Variants in WDPCP observed in about 807,000 individuals in gnomAD.
WDPCP encodes the protein WD repeat containing planar cell polarity effector, also known as WD repeat-containing and planar cell polarity effector protein fritz homolog.
Under a neutral mutation model 93.1 loss-of-function variants are expected in WDPCP, and 71 were observed. The observed-to-expected ratio is 0.76, with a 90% CI of 0.63 to 0.93. WDPCP has a LOEUF of 0.93. Among genes scored for constraint, WDPCP ranks in the 40% least tolerant of loss-of-function variants. The pLI is 0.00. For synonymous variants in WDPCP, 315 were observed against 315.0 expected, an observed-to-expected ratio of 1.00 and a Z score of 0.00; for missense variants, 844 against 887.4, an observed-to-expected ratio of 0.95 and a Z score of 0.62.
At position 63,588,222 on chromosome 2, in the gene WDPCP, CGA is replaced by C; in HGVS notation, c.48_49del (p.Ser16ArgfsTer11). ...CTGTCTCGGGAGTGGGGAAGAAGCG[CGA>C]CTCCCGGCCGCTTTGGAGTAGGCGT... On this transcript the variant is annotated frameshift_variant, in exon 1 of 18. Transcript: ENST00000272321. LOFTEE classifies it high-confidence loss of function. 6.4e-7 allele frequency: 1 copy of C among 1,574,476 alleles called. No individual in the cohort carries two copies. Among genetic ancestry groups the C allele is most frequent in the Non-Finnish European group, 8.6e-7 (1 of 1,157,592 alleles).
intron 14 of WDPCP, among the ~76,000 whole-genome samples, chr2:63,238,037 A>G (rs1241823487): frequency 6.6e-6 from 1 of 151,860 alleles, no homozygotes; most frequent in East Asian, 1.9e-4. Flanking sequence ...CTACAGCTTC[A>G]TGAGTTAATT....
chr2:63,132,989 C>T (rs1349260519), intron 17 of WDPCP, among the ~76,000 whole-genome samples: 1 of 152,214 alleles, frequency 6.6e-6, no homozygotes, highest in Non-Finnish European at 1.5e-5. Context: ...ACAGCTACTT[C>T]TCCCATTCTC....
intron 1 of WDPCP, among the ~76,000 whole-genome samples, chr2:63,532,520 A>T (rs797004504): frequency 3.1e-4 from 47 of 152,262 alleles, no homozygotes; most frequent in African/African-American, 9.9e-4. Context: ...CTCAGCAGAA[A>T]CTCTACAAGC....
chr2:63,798,294 G>A (rs1293207401), intron 2 of WDPCP, among the ~76,000 whole-genome samples: 1 of 152,172 alleles, frequency 6.6e-6, no homozygotes, highest in Non-Finnish European at 1.5e-5. Context: ...CACTGTAACT[G>A]TGGTGTGTAA....
chr2:63,324,308 T>C (rs532883368), intron 12 of WDPCP, among the ~76,000 whole-genome samples: 1 of 152,282 alleles, frequency 6.6e-6, no homozygotes, highest in East Asian at 1.9e-4. Flanking sequence ...AGCCTCCCTA[T>C]GGCTCCCCCT....
intron 14 of WDPCP, among the ~76,000 whole-genome samples, chr2:63,251,976 A>G (rs559306059): frequency 6.6e-6 from 1 of 152,196 alleles, no homozygotes; most frequent in African/African-American, 2.4e-5. Flanking sequence ...TGGCAAAGAC[A>G]CAATGAAAAA....
chr2:63,322,066 A>G (rs1687143729), intron 12 of WDPCP, among the ~76,000 whole-genome samples: 2 of 152,290 alleles, frequency 1.3e-5, no homozygotes, highest in South Asian at 4.2e-4. Context: ...TTTTCTGTCT[A>G]GCTAAAGAAT....
At chr2:63,242,155 G>T (rs1461741595) in intron 14 of WDPCP, among the ~76,000 whole-genome samples, 1 of 152,022 alleles carries the variant, frequency 6.6e-6, no homozygotes, top group Non-Finnish European at 1.5e-5. Context: ...ATTCTCTAAT[G>T]TTACCCATTT....
intron 1 of WDPCP, among the ~76,000 whole-genome samples, chr2:63,817,148 C>T (rs1355601803): frequency 6.7e-6 from 1 of 150,366 alleles, no homozygotes; most frequent in Non-Finnish European, 1.5e-5. Context: ...CTCGCTCTGT[C>T]ACCCAGGCTG....
intron 3 of WDPCP, among the ~76,000 whole-genome samples, chr2:63,633,850 T>A (rs1709890429): frequency 6.6e-6 from 1 of 152,156 alleles, no homozygotes; most frequent in Non-Finnish European, 1.5e-5. Context: ...TCACTTGTGT[T>A]CAGGAGTTCC....
chr2:63,710,908 A>G (rs527689505), intron 2 of WDPCP, among the ~76,000 whole-genome samples: 53 of 152,222 alleles, frequency 3.5e-4, no homozygotes, highest in Non-Finnish European at 6.6e-4. Flanking sequence ...TTGAGGTATG[A>G]AAAGGCAGGC....
chr2:63,572,432 G>A (rs1483059443), intron 1 of WDPCP, among the ~76,000 whole-genome samples: 1 of 151,972 alleles, frequency 6.6e-6, no homozygotes, highest in Non-Finnish European at 1.5e-5. Flanking sequence ...GCGGGGCATG[G>A]TGGCTCATGC....
intron 2 of WDPCP, chr2:63,717,078 T>C (rs1356538123): frequency 3.6e-6 from 1 of 280,874 alleles, no homozygotes; most frequent in African/African-American, 2.3e-5. Context: ...CTGAGGCAGC[T>C]CTCTTCCCTC....
chr2:63,767,107 TC>T (rs1670153931), intron 2 of WDPCP, among the ~76,000 whole-genome samples: 1 of 152,202 alleles, frequency 6.6e-6, no homozygotes, highest in South Asian at 2.1e-4. Context: ...ATGTACACTT[TC>T]TGTCAAGTCT....
At chr2:63,370,157 T>C (rs1379845009) in intron 12 of WDPCP, among the ~76,000 whole-genome samples, 3 of 152,174 alleles carry the variant, frequency 2.0e-5, no homozygotes, top group Non-Finnish European at 2.9e-5. Context: ...CAAATTGCCA[T>C]TATGGTAAAG....
At chr2:63,570,078 G>A (rs778101882) in intron 1 of WDPCP, among the ~76,000 whole-genome samples, 4 of 152,146 alleles carry the variant, frequency 2.6e-5, no homozygotes, top group Non-Finnish European at 5.9e-5. Context: ...TGGGTGCTGA[G>A]ACTAAAATCA....
At chr2:63,648,595 CA>C (rs1710077993) in intron 3 of WDPCP, among the ~76,000 whole-genome samples, 1 of 152,124 alleles carries the variant, frequency 6.6e-6, no homozygotes, top group Admixed American at 6.5e-5. Context: ...TTGTCTTTTT[CA>C]GAATGTCATA....
chr2:63,128,573 G>A lies in WDPCP; in HGVS notation c.2191-6517C>T, dbSNP rs1323644173. Among the ~76,000 whole-genome samples, 8 of 152,064 alleles carry A rather than the reference G, an allele frequency of 5.3e-5. No individual in the cohort carries two copies. The South Asian group carries it at 6.2e-4, about 12-fold the overall frequency. On this transcript the variant is annotated intron_variant, in intron 17 of 17. Coordinates refer to ENST00000272321, the MANE Select transcript of WDPCP (RefSeq NM_015910.7). ...TTCACATCATCATGTAACCATCACC[G>A]CTCTCCATCTCCAGAACTTTTTAAT...
chr2:63,802,229 T>A (rs1670707524), intron 2 of WDPCP, among the ~76,000 whole-genome samples: 1 of 129,068 alleles, frequency 7.7e-6, no homozygotes, highest in Non-Finnish European at 1.5e-5. Context: ...GCAGATCACT[T>A]GCATCCAGGA....
Sources: gnomAD v4.1 joint callset for allele counts (sites outside exome capture counted in the v4.1 genomes callset) on GRCh38, gnomAD v4.1.1 for gene constraint, MANE v1.5 for transcripts, NCBI Gene and HGNC (gene_info 2026-07-23, HGNC 2026-07-21) for gene names.